Variants in APLP1 observed in about 807,000 individuals in gnomAD.
APLP1 encodes the protein amyloid beta (A4) precursor-like protein 1.
APLP1 carries 46 observed loss-of-function variants against 84.5 expected under a neutral mutation model. The observed-to-expected ratio is 0.54, with a 90% CI of 0.43 to 0.70. The LOEUF is 0.70. Ranked by LOEUF, APLP1 falls within the 30% of genes least tolerant of loss-of-function variation. The pLI is 0.00. For synonymous variants in APLP1, 376 were observed against 364.0 expected (o/e 1.03, Z -0.38); for missense variants, 826 against 900.2 (o/e 0.92, Z 1.05).
chr19:35,877,413 C>A (rs1276946187), intron 11 of APLP1, among the ~76,000 whole-genome samples: 3 of 150,624 alleles, frequency 2.0e-5, no homozygotes, highest in African/African-American at 7.3e-5. Context: ...TGCTTGAACC[C>A]GGGAGGTGGA....
At position 35,874,909 on chromosome 19, in the gene APLP1, C is replaced by T. The variant is rs1308838373; in HGVS notation, c.1344+40C>T. ...CCAGCTCCCAAATGCGCCGCTATTC[C>T]TCAGACGCCCGCGCCTCAGGCTCTT... On this transcript the variant is annotated intron_variant, in intron 10 of 16. Coordinates refer to ENST00000221891, the MANE Select transcript of APLP1 (RefSeq NM_001024807.3). This position sits in a 1 kb window ranked among gnomAD's most constrained non-coding sequence, Gnocchi z 6.4. The T allele has an allele frequency of 1.3e-6, 2 of 1,593,662 alleles. No homozygotes were observed. Among genetic ancestry groups the T allele is most frequent in the Non-Finnish European group, 1.7e-6 (2 of 1,175,492 alleles).
At position 35,868,765 on chromosome 19, in the gene APLP1, G is replaced by A; in HGVS notation, c.129G>A (p.Gly43=). 7.5e-7 allele frequency: 1 copy of A among 1,334,580 alleles called. No homozygotes were observed. Among genetic ancestry groups the A allele is most frequent in the Non-Finnish European group, 9.6e-7 (1 of 1,046,930 alleles). The allele number at this position is 1,334,580 out of a possible 1,614,324, so 82.7% of individuals were successfully genotyped here. ...CCGCCATCGGGAGCCTGGCCGGTGG[G>A]AGCCCCGGCGCGGCCGAGGTGAGGC... ...AQPAIGSLAG[G]SPGAAEAPGS... is the part of the protein sequence containing the mutation. The change falls in exon 1 of 17, where the codon GGG becomes GGA. Residue 43 remains glycine, a synonymous_variant. Transcript: ENST00000221891. The surrounding 1 kb of genome is among the most constrained non-coding windows in gnomAD (Gnocchi z 5.2).
intron 6 of APLP1, 112 bp downstream of exon 6, chr19:35,872,148 G>A: frequency 7.7e-7 from 1 of 1,290,724 alleles, no homozygotes; most frequent in Admixed American, 2.3e-5. Flanking sequence ...AGGCCCAACT[G>A]AGGAGAAAAG....
chr19:35,878,430 C>T (rs1974331126), intron 13 of APLP1, 154 bp from the exon 14 acceptor site: 1 of 744,948 alleles, frequency 1.3e-6, no homozygotes, highest in East Asian at 2.7e-5. Context: ...TCTGTAGTCC[C>T]AGCTGCTCAG....
chr19:35,879,578 C>A lies in APLP1; in HGVS notation c.*137C>A. 2.8e-6 allele frequency: 2 copies of A among 705,038 alleles called. No individual in the cohort carries two copies. The allele number at this position is 705,038 out of a possible 1,614,324, so 43.7% of individuals were successfully genotyped here. A position where few individuals can be genotyped will look rare whatever the true frequency, so the allele number is the denominator to read the frequency against. ...CCCTTTTGTGAGACGGCTGGAAATT[C>A]TTATTTCCCCTTTCCAATTCCAAAA... On this transcript the variant is annotated 3_prime_UTR_variant, in exon 17 of 17. Coordinates refer to ENST00000221891, the MANE Select transcript of APLP1 (RefSeq NM_001024807.3).
At chr19:35,877,292 C>T (rs1162821478) in intron 11 of APLP1, among the ~76,000 whole-genome samples, 1 of 152,072 alleles carries the variant, frequency 6.6e-6, no homozygotes, top group Non-Finnish European at 1.5e-5. Flanking sequence ...AGTTCGAGAC[C>T]AGCCTGGCCA....
rs368942763 is a variant in APLP1, at chr19:35,878,650, G to A, written c.1646G>A (p.Arg549Gln). Residue 549 changes from arginine (R) to glutamine (Q), a missense_variant, in exon 14 of 17, where the codon CGA (arginine) becomes CAA (glutamine). Physicochemically the swap from Arg to Gln is conservative, Grantham distance 43. Transcript: ENST00000221891. ...ATGAACCCGCTGGAACAGTATGAGC[G>A]AAAGGTAAGTTAGTCAGAACTGTGG... is the stretch of plus-strand genomic sequence containing the variant. ...EKMNPLEQYE[R>Q]KVNASVPRGF... 48 of 1,614,154 alleles carry A rather than the reference G, an allele frequency of 3.0e-5. No individual in the cohort carries two copies. The highest frequency in any genetic ancestry group is 3.3e-4 in the Middle Eastern group (2 of 6,062).
At position 35,879,152 on chromosome 19, in the gene APLP1, G is replaced by T. The variant is rs1309406965; in HGVS notation, c.1792G>T (p.Val598Phe). The T allele has an allele frequency of 6.2e-7, 1 of 1,612,546 alleles. No individual in the cohort carries two copies. The highest frequency in any genetic ancestry group is 1.7e-5 in the Admixed American group (1 of 60,004). ...IMGAGGGSLI[V>F]LSMLLLRRKK... is the part of the protein sequence containing the mutation. ...GGGAGCGGGCGGAGGCTCCCTCATC[G>T]TCCTCTCCATGCTGCTCCTGCGCAG... Residue 598 changes from valine (V) to phenylalanine (F), a missense_variant, in exon 16 of 17, where the codon GTC becomes TTC. Transcript: ENST00000221891.
In APLP1 at chr19:35,870,972, C is replaced by A. The variant is rs376121334; in HGVS notation, c.368C>A (p.Ser123Tyr). ...AIPMERWCGGSRSGSCAHPHH... is the reference protein window; with the variant it reads ...AIPMERWCGGYRSGSCAHPHH... ...CCCATGGAGCGCTGGTGCGGGGGTT[C>A]CCGGAGCGGCAGCTGCGCCCACCCC... The change falls in exon 3 of 17, where the codon TCC becomes TAC. Residue 123 changes from serine to tyrosine, a missense_variant. This residue lies in a region of APLP1 where 383 missense variants were observed against 378.3 expected (regional missense o/e 1.01). Transcript: ENST00000221891. The A allele has an allele frequency of 1.9e-6, 3 of 1,577,210 alleles. No individual in the cohort carries two copies.
rs377257982 is a variant in APLP1, at chr19:35,874,563, G to A, written c.1116G>A (p.Leu372=). 6.2e-7 allele frequency: 1 copy of A among 1,614,060 alleles called. No individual in the cohort carries two copies. Among genetic ancestry groups the A allele is most frequent in the African/African-American group, 1.3e-5 (1 of 74,938 alleles). ...EEQVSGERQR[L]VETHATRVIA... ...AGGTGTCTGGTGAGCGACAGCGCCT[G>A]GTGGAAACCCACGCCACCCGCGTCA... The change falls in exon 9 of 17, where the codon CTG becomes CTA. Residue 372 remains leucine, a synonymous_variant. Coordinates refer to ENST00000221891, the MANE Select transcript of APLP1 (RefSeq NM_001024807.3). The surrounding 1 kb of genome is among the most constrained non-coding windows in gnomAD (Gnocchi z 6.4).
At position 35,869,813 on chromosome 19, in the gene APLP1, G is replaced by A; in HGVS notation, c.291+3G>A. On this transcript the variant is annotated splice_donor_region_variant and intron_variant, in intron 2 of 16. Transcript: ENST00000221891. Reference sequence around the variant, plus strand: ...GCGTGCTGGAGTACTGCAGACAGGTGGGCGGGGCCGAACGGGAGAGGCGGG... The same window carrying A: ...GCGTGCTGGAGTACTGCAGACAGGTAGGCGGGGCCGAACGGGAGAGGCGGG... The A allele has an allele frequency of 5.7e-6, 9 of 1,589,482 alleles. No homozygotes were observed. Among genetic ancestry groups the A allele is most frequent in the Non-Finnish European group, 7.7e-6 (9 of 1,169,548 alleles).
chr19:35,878,907 A>G lies in APLP1; in HGVS notation c.1668A>G (p.Pro556=), dbSNP rs140582408. 1 of 1,614,078 alleles carries G rather than the reference A, an allele frequency of 6.2e-7. No homozygotes were observed. The highest frequency in any genetic ancestry group is 1.7e-5 in the Admixed American group (1 of 60,018). ...QYERKVNASV[P]RGFPFHSSEI... is the part of the protein sequence containing the mutation. Reference sequence around the variant, plus strand: ...TCCCCCAGGTGAATGCGTCTGTTCCAAGGGGTTTCCCTTTCCACTCATCGG... The same window carrying G: ...TCCCCCAGGTGAATGCGTCTGTTCCGAGGGGTTTCCCTTTCCACTCATCGG... Residue 556 remains proline, a synonymous_variant, in exon 15 of 17, where the codon CCA becomes CCG. Coordinates refer to ENST00000221891, the MANE Select transcript of APLP1 (RefSeq NM_001024807.3).
chr19:35,874,982 C>A lies in APLP1; in HGVS notation c.1344+113C>A. ...TCTGTCTCTTGGACCCCTTCCTATC[C>A]CCTGAACACCGCTTCTCTGCCCCTT... On this transcript the variant is annotated intron_variant, in intron 10 of 16. Transcript: ENST00000221891. The surrounding 1 kb of genome is among the most constrained non-coding windows in gnomAD (Gnocchi z 6.4). 1 of 1,396,924 alleles carries A rather than the reference C, an allele frequency of 7.2e-7. No homozygotes were observed. The highest frequency in any genetic ancestry group is 9.6e-7 in the Non-Finnish European group (1 of 1,045,582). The allele number at this position is 1,396,924 out of a possible 1,614,324, so 86.5% of individuals were successfully genotyped here. A position where few individuals can be genotyped will look rare whatever the true frequency, so the allele number is the denominator to read the frequency against.
chr19:35,871,692 GTA>G lies in APLP1; in HGVS notation c.620_621del (p.Tyr207CysfsTer18). 1.2e-6 allele frequency: 2 copies of G among 1,614,114 alleles called. No homozygotes were observed. The highest frequency in any genetic ancestry group is 1.7e-6 in the Non-Finnish European group (2 of 1,180,032). Reference sequence around the variant, plus strand: ...GCTCGGATCGGTTCCGTGGTGTGGAGTATGTGTGCTGTCCCCCTCCAGGGACC... The same window carrying G: ...GCTCGGATCGGTTCCGTGGTGTGGAGTGTGTGCTGTCCCCCTCCAGGGACC... ...CGSDRFRGVE[Y>X]VCCPPPGTPD... On this transcript the variant is annotated frameshift_variant, in exon 5 of 17. Coordinates refer to ENST00000221891, the MANE Select transcript of APLP1 (RefSeq NM_001024807.3). LOFTEE classifies it high-confidence loss of function.
In APLP1 at chr19:35,871,316, G is replaced by T. The variant is rs1974139847; in HGVS notation, c.504G>T (p.Glu168Asp). 2 of 1,613,056 alleles carry T rather than the reference G, an allele frequency of 1.2e-6. No homozygotes were observed. Among genetic ancestry groups the T allele is most frequent in the Non-Finnish European group, 1.7e-6 (2 of 1,179,614 alleles). Reference sequence around the variant, plus strand: ...ACCAGGAGCGCATGGACCAATGTGAGAGTTCAACCCGGAGGCATCAGGAGG... The same window carrying T: ...ACCAGGAGCGCATGGACCAATGTGATAGTTCAACCCGGAGGCATCAGGAGG... Reference protein sequence around the residue: ...FLHQERMDQCESSTRRHQEAQ... With the variant: ...FLHQERMDQCDSSTRRHQEAQ... Residue 168 changes from glutamate (E) to aspartate (D), a missense_variant, in exon 4 of 17, where the codon GAG becomes GAT. Glu to Asp is a conservative substitution (Grantham distance 45, BLOSUM62 2). Transcript: ENST00000221891.
intron 7 of APLP1, among the ~76,000 whole-genome samples, chr19:35,873,252 T>C (rs2146907011): frequency 6.6e-6 from 1 of 150,746 alleles, no homozygotes; most frequent in East Asian, 1.9e-4. Context: ...AATCTTTTTT[T>C]TTTTTTTTTT....
Position 35,868,583 on chromosome 19 carries a change from C to G in APLP1, c.-54C>G, listed in dbSNP as rs2146896361. 8.2e-7 allele frequency: 1 copy of G among 1,220,152 alleles called. No homozygotes were observed. The highest frequency in any genetic ancestry group is 1.0e-6 in the Non-Finnish European group (1 of 979,796). 75.6% of individuals were successfully genotyped at this position (1,220,152 alleles called of 1,614,324 possible). Reference sequence around the variant, plus strand: ...GTGGCGCTGGGAGCTCCTGTCACCGCTGGGGCCGGGCCGGGCGGGAGTGCA... The same window carrying G: ...GTGGCGCTGGGAGCTCCTGTCACCGGTGGGGCCGGGCCGGGCGGGAGTGCA... On this transcript the variant is annotated 5_prime_UTR_variant, in exon 1 of 17. Transcript: ENST00000221891. This position sits in a 1 kb window ranked among gnomAD's most constrained non-coding sequence, Gnocchi z 5.2.
At chr19:35,879,046 C>T in intron 15 of APLP1, 28 bp from the exon 16 acceptor site, 1 of 1,612,808 alleles carries the variant, frequency 6.2e-7, no homozygotes. Context: ...CTCAAAGAAG[C>T]CCTCTGCCCC....
intron 6 of APLP1, 27 bp downstream of exon 6, chr19:35,872,063 C>T (rs1351908279): frequency 6.2e-7 from 1 of 1,605,778 alleles, no homozygotes; most frequent in African/African-American, 1.3e-5. Context: ...ACCCCTGGGG[C>T]CTCTCCACCA....
Sources: allele counts gnomAD v4.1 joint callset (sites outside exome capture counted in the v4.1 genomes callset), GRCh38; gene constraint gnomAD v4.1.1; regional missense constraint gnomAD v4.1.1; non-coding constraint Gnocchi (gnomAD v3.1); transcripts MANE v1.5; gene names NCBI Gene and HGNC (gene_info 2026-07-23, HGNC 2026-07-21).